CPED1: variants seen among roughly 807,000 people sequenced by gnomAD.
The protein encoded by CPED1 is cadherin-like and PC-esterase domain-containing protein 1.
CPED1 carries 114 observed loss-of-function variants against 128.2 expected under a neutral mutation model. The ratio of observed to expected loss-of-function variants is 0.89; its 90% CI spans 0.76 to 1.04. CPED1 has a LOEUF of 1.04. Among genes scored for constraint, CPED1 ranks in the 50% least tolerant of loss-of-function variants. The probability of loss-of-function intolerance (pLI) is 0.00; values close to 1 mark genes in which losing one functional copy is unlikely to be tolerated. For missense variants in CPED1, 1,211 were observed against 1,207.1 expected, an observed-to-expected ratio of 1.00 and a Z score of -0.05; for synonymous variants, 462 against 426.7, an observed-to-expected ratio of 1.08 and a Z score of -1.02.
intron 4 of CPED1, among the ~76,000 whole-genome samples, chr7:121,063,391 A>AAAAG (rs1793734340): frequency 6.7e-6 from 1 of 150,176 alleles, no homozygotes; most frequent in Admixed American, 6.6e-5. Context: ...GAAAAAAAAA[A>AAAAG]AAAAAAAAAA....
chr7:121,177,143 G>A (rs1796801622), intron 16 of CPED1, among the ~76,000 whole-genome samples: 1 of 152,022 alleles, frequency 6.6e-6, no homozygotes, highest in Non-Finnish European at 1.5e-5. Flanking sequence ...TAGATGCATT[G>A]AGACTACATT....
intron 18 of CPED1, among the ~76,000 whole-genome samples, chr7:121,250,664 C>G (rs972641903): frequency 6.6e-6 from 1 of 152,148 alleles, no homozygotes; most frequent in Admixed American, 6.5e-5. Flanking sequence ...GAAATACAAA[C>G]TACCATCAGA....
intron 2 of CPED1, among the ~76,000 whole-genome samples, chr7:121,012,050 G>A (rs1376616534): frequency 6.6e-6 from 1 of 152,146 alleles, no homozygotes; most frequent in Admixed American, 6.5e-5. Flanking sequence ...AGAAAACTCT[G>A]ATGTGTGTAG....
chr7:121,293,098 A>T (rs1043987908), intron 22 of CPED1, among the ~76,000 whole-genome samples: 3 of 152,174 alleles, frequency 2.0e-5, no homozygotes, highest in Admixed American at 6.5e-5. Flanking sequence ...GGAACGTTTA[A>T]GTCTGCTGAA....
rs757211766 is a variant in CPED1, at chr7:121,124,515, A to C, written c.1061+42A>C. On this transcript the variant is annotated intron_variant, in intron 8 of 22. Transcript: ENST00000310396. Reference sequence around the variant, plus strand: ...AATTTAAAAAAAAAAGAAAAGAAAGAAAGCAACCTATCTTTTAAAAATTGT... The same window carrying C: ...AATTTAAAAAAAAAAGAAAAGAAAGCAAGCAACCTATCTTTTAAAAATTGT... 2.2e-6 allele frequency: 3 copies of C among 1,351,000 alleles called. No individual in the cohort carries two copies. In the South Asian group the frequency reaches 5.0e-5, roughly 23 times the overall value. The allele number at this position is 1,351,000 out of a possible 1,614,324, so 83.7% of individuals were successfully genotyped here.
chr7:121,221,074 G>A (rs774291838), intron 16 of CPED1, among the ~76,000 whole-genome samples: 5 of 151,852 alleles, frequency 3.3e-5, no homozygotes, highest in African/African-American at 7.3e-5. Context: ...CCATCAACTC[G>A]TCATTTACAT....
At chr7:121,215,047 A>G (rs1331259730) in intron 16 of CPED1, among the ~76,000 whole-genome samples, 2 of 151,792 alleles carry the variant, frequency 1.3e-5, no homozygotes, top group Admixed American at 1.3e-4. Flanking sequence ...GCAAGCCTTT[A>G]CTCTTCTGCC....
At chr7:121,255,979 C>G (rs1369989557) in intron 18 of CPED1, among the ~76,000 whole-genome samples, 1 of 151,812 alleles carries the variant, frequency 6.6e-6, no homozygotes. Context: ...AATGGCCATA[C>G]TGCCCAAAGA....
intron 16 of CPED1, among the ~76,000 whole-genome samples, chr7:121,162,438 C>T (rs1796431014): frequency 6.6e-6 from 1 of 152,168 alleles, no homozygotes. Flanking sequence ...GCACAGAGAA[C>T]ATCAGTTCAT....
intron 14 of CPED1, among the ~76,000 whole-genome samples, chr7:121,140,283 G>T (rs533643755): frequency 6.6e-6 from 1 of 152,090 alleles, no homozygotes; most frequent in South Asian, 2.1e-4. Context: ...TGAGCATGGA[G>T]CAGTTTCAGG....
intron 4 of CPED1, among the ~76,000 whole-genome samples, chr7:121,047,919 G>C (rs562302882): frequency 2.2e-4 from 34 of 152,018 alleles, no homozygotes; most frequent in African/African-American, 8.2e-4. Context: ...TGTTAGCCAG[G>C]ATGGTCTCGA....
chr7:121,238,486 T>C (rs1798311334), intron 17 of CPED1, among the ~76,000 whole-genome samples: 1 of 152,070 alleles, frequency 6.6e-6, no homozygotes, highest in Non-Finnish European at 1.5e-5. Context: ...AAGCCTTTTT[T>C]CACCACCAGA....
At chr7:121,290,468 G>A (rs923707787) in intron 22 of CPED1, among the ~76,000 whole-genome samples, 1 of 152,172 alleles carries the variant, frequency 6.6e-6, no homozygotes, top group Non-Finnish European at 1.5e-5. Context: ...TCCAGCATCT[G>A]TTGTTTCCTG....
At chr7:121,082,842 T>C (rs1405871009) in intron 5 of CPED1, among the ~76,000 whole-genome samples, 1 of 152,236 alleles carries the variant, frequency 6.6e-6, no homozygotes, top group Non-Finnish European at 1.5e-5. Flanking sequence ...AGGAGCTATT[T>C]AAAGAAAATT....
chr7:121,190,433 G>A (rs193148856), intron 16 of CPED1, among the ~76,000 whole-genome samples: 171 of 151,256 alleles, frequency 1.1e-3, no homozygotes, highest in African/African-American at 3.7e-3. Context: ...ATTGGACAGG[G>A]GTCAGGAGGA....
chr7:121,097,330 A>G (rs1038068796), intron 5 of CPED1, among the ~76,000 whole-genome samples: 4 of 152,178 alleles, frequency 2.6e-5, no homozygotes, highest in Non-Finnish European at 5.9e-5. Context: ...TAATATTCTC[A>G]TGACAAACAA....
intron 16 of CPED1, among the ~76,000 whole-genome samples, chr7:121,146,521 A>G (rs146402629): frequency 1.1e-4 from 16 of 152,272 alleles, no homozygotes; most frequent in Non-Finnish European, 2.1e-4. Flanking sequence ...TCCTTCCCCT[A>G]TTCTCTTACC....
intron 9 of CPED1, among the ~76,000 whole-genome samples, chr7:121,126,453 A>G (rs1795506092): frequency 6.6e-6 from 1 of 152,090 alleles, no homozygotes; most frequent in African/African-American, 2.4e-5. Flanking sequence ...TTCCTCTAAC[A>G]TAGCCCTTAG....
At chr7:121,093,276 T>C (rs377514932) in intron 5 of CPED1, among the ~76,000 whole-genome samples, 1 of 152,094 alleles carries the variant, frequency 6.6e-6, no homozygotes, top group African/African-American at 2.4e-5. Flanking sequence ...TTGATCAACA[T>C]TCAACAATTT....
Sources: allele counts gnomAD v4.1 joint callset (sites outside exome capture counted in the v4.1 genomes callset), GRCh38; gene constraint gnomAD v4.1.1; transcripts MANE v1.5; gene names NCBI Gene and HGNC (gene_info 2026-07-23, HGNC 2026-07-21).